ENTREP2: variants seen among roughly 807,000 people sequenced by gnomAD.
ENTREP2 encodes the protein endosomal transmembrane epsin interactor 2, also known as protein ENTREP2.
At chr15:29,280,333 C>T in the ENTREP2 span, among the ~76,000 whole-genome samples, 1 of 152,228 alleles carries the variant, frequency 6.6e-6, no homozygotes, top group South Asian at 2.1e-4. Flanking sequence ...GGTTTTCTCC[C>T]CAGCTGCTTT....
chr15:29,630,928 CG>C, the ENTREP2 span, among the ~76,000 whole-genome samples: 1 of 152,160 alleles, frequency 6.6e-6, no homozygotes. Flanking sequence ...GGTGATCCCC[CG>C]CCTCGGCCTC....
At chr15:29,355,979 A>T in the ENTREP2 span, among the ~76,000 whole-genome samples, 1 of 152,096 alleles carries the variant, frequency 6.6e-6, no homozygotes, top group African/African-American at 2.4e-5. Context: ...TTTTTCCATA[A>T]GGAAAAGATG....
the ENTREP2 span, among the ~76,000 whole-genome samples, chr15:29,481,410 G>T: frequency 6.6e-6 from 1 of 152,082 alleles, no homozygotes; most frequent in Non-Finnish European, 1.5e-5. Flanking sequence ...CTCTGTGAAT[G>T]AAACAGAATT....
the ENTREP2 span, among the ~76,000 whole-genome samples, chr15:29,224,778 C>T: frequency 2.0e-5 from 3 of 152,220 alleles, no homozygotes; most frequent in South Asian, 2.1e-4. Context: ...CCTGCCAGTC[C>T]CCTGCTGGGC....
the ENTREP2 span, among the ~76,000 whole-genome samples, chr15:29,583,658 A>T: frequency 6.6e-6 from 1 of 152,160 alleles, no homozygotes; most frequent in Non-Finnish European, 1.5e-5. Context: ...AATAATAATA[A>T]TTTTTTTAAA....
At chr15:29,409,473 C>T in the ENTREP2 span, among the ~76,000 whole-genome samples, 2 of 151,898 alleles carry the variant, frequency 1.3e-5, no homozygotes, top group East Asian at 3.9e-4. Context: ...TTACAAGTAG[C>T]TGCCACCACA....
At chr15:29,423,145 G>C in the ENTREP2 span, among the ~76,000 whole-genome samples, 1 of 152,102 alleles carries the variant, frequency 6.6e-6, no homozygotes, top group Non-Finnish European at 1.5e-5. Context: ...GAAAGAAAAT[G>C]CTTCAACCCT....
At chr15:29,417,515 G>A in the ENTREP2 span, among the ~76,000 whole-genome samples, 1 of 152,162 alleles carries the variant, frequency 6.6e-6, no homozygotes, top group African/African-American at 2.4e-5. Context: ...AGCAGAGAGA[G>A]ATAGCATTAG....
the ENTREP2 span, among the ~76,000 whole-genome samples, chr15:29,408,815 C>G: frequency 6.6e-6 from 1 of 152,176 alleles, no homozygotes. Flanking sequence ...AATCCATCTA[C>G]TTAGCCTGTC....
the ENTREP2 span, among the ~76,000 whole-genome samples, chr15:29,670,684 T>G: frequency 2.0e-5 from 3 of 152,098 alleles, no homozygotes; most frequent in African/African-American, 7.2e-5. Flanking sequence ...AGAGAATTGC[T>G]CGGGTCCCTC....
chr15:29,364,300 G>T, the ENTREP2 span, among the ~76,000 whole-genome samples: 1 of 152,016 alleles, frequency 6.6e-6, no homozygotes, highest in Non-Finnish European at 1.5e-5. Flanking sequence ...AGTTGGCCTG[G>T]GCTGGAAACC....
chr15:29,320,922 A>G, the ENTREP2 span, among the ~76,000 whole-genome samples: 1 of 152,234 alleles, frequency 6.6e-6, no homozygotes, highest in Admixed American at 6.5e-5. Context: ...TAATATATGT[A>G]TAACAGGAAT....
the ENTREP2 span, among the ~76,000 whole-genome samples, chr15:29,130,474 G>A: frequency 5.4e-4 from 82 of 152,172 alleles, no homozygotes; most frequent in Middle Eastern, 3.4e-3. Flanking sequence ...ACCCTCTCTC[G>A]GACTTGCTTT....
the ENTREP2 span, among the ~76,000 whole-genome samples, chr15:29,150,002 T>G: frequency 6.6e-6 from 1 of 152,300 alleles, no homozygotes; most frequent in South Asian, 2.1e-4. Flanking sequence ...TTGCACAGTA[T>G]TTTCTGCTGG....
chr15:29,128,418 C>T, the ENTREP2 span, among the ~76,000 whole-genome samples: 12 of 152,104 alleles, frequency 7.9e-5, no homozygotes, highest in African/African-American at 2.4e-4. Context: ...AGGGAGGTGC[C>T]GTGTGGACAT....
the ENTREP2 span, among the ~76,000 whole-genome samples, chr15:29,606,617 T>C: frequency 6.6e-6 from 1 of 152,116 alleles, no homozygotes; most frequent in East Asian, 1.9e-4. Flanking sequence ...CCATTCTCCT[T>C]TGGTATAAAG....
the ENTREP2 span, among the ~76,000 whole-genome samples, chr15:29,447,789 G>A: frequency 2.6e-5 from 4 of 152,114 alleles, no homozygotes; most frequent in Admixed American, 6.5e-5. Context: ...TTGGCCGGGC[G>A]TGGTGGCTCA....
At chr15:29,657,981 G>T in the ENTREP2 span, among the ~76,000 whole-genome samples, 8,669 of 152,190 alleles carry the variant, frequency 0.057, 312 homozygotes, top group African/African-American at 0.09. Flanking sequence ...ATACGTGAAA[G>T]AAGTCAGATT....
At chr15:29,406,721 A>G in the ENTREP2 span, among the ~76,000 whole-genome samples, 1 of 151,998 alleles carries the variant, frequency 6.6e-6, no homozygotes, top group Non-Finnish European at 1.5e-5. Context: ...TTACTTTCAC[A>G]TTTCTAAACT....
Sources: allele counts gnomAD v4.1 joint callset (sites outside exome capture counted in the v4.1 genomes callset), GRCh38; gene constraint gnomAD v4.1.1; transcripts MANE v1.5; gene names NCBI Gene and HGNC (gene_info 2026-07-23, HGNC 2026-07-21).